The following ACACA variants were observed in gnomAD, a reference collection of about 807,000 sequenced individuals.
The protein encoded by ACACA is acetyl-CoA carboxylase alpha.
Under a neutral mutation model 296.1 loss-of-function variants are expected in ACACA, and 103 were observed. The ratio of observed to expected loss-of-function variants is 0.35; its 90% CI spans 0.30 to 0.41. The LOEUF (loss-of-function observed/expected upper bound fraction) is 0.41. ACACA is among the 10% of genes least tolerant of loss of function. The probability of loss-of-function intolerance (pLI) is 1.00; values close to 1 mark genes in which losing one functional copy is unlikely to be tolerated. For missense variants in ACACA, 1,554 were observed against 2,989.7 expected (o/e 0.52, Z 11.20); for synonymous variants, 953 against 1,038.6 (o/e 0.92, Z 1.58).
intron 3 of ACACA, among the ~76,000 whole-genome samples, chr17:37,302,234 C>T (rs1454342302): frequency 6.8e-6 from 1 of 147,980 alleles, no homozygotes; most frequent in Admixed American, 6.8e-5. Context: ...CAGGGTTTCG[C>T]TCTTGTGACC....
At chr17:37,103,750 CAA>C (rs1172189238) in intron 52 of ACACA, among the ~76,000 whole-genome samples, 3 of 143,242 alleles carry the variant, frequency 2.1e-5, no homozygotes, top group Non-Finnish European at 4.6e-5. Flanking sequence ...CACACACACA[CAA>C]AATGCCAAGT....
chr17:37,262,795 T>A (rs1387239065), intron 11 of ACACA, among the ~76,000 whole-genome samples: 1 of 152,126 alleles, frequency 6.6e-6, no homozygotes. Context: ...AGTAGCATGA[T>A]CAAGGCTCAC....
At chr17:37,363,371 C>T (rs1195067231) in intron 1 of ACACA, among the ~76,000 whole-genome samples, 1 of 151,356 alleles carries the variant, frequency 6.6e-6, no homozygotes, top group East Asian at 2.0e-4. Context: ...TTAGGAGAGA[C>T]GCGGCTTCAC....
chr17:37,263,607 G>T, intron 11 of ACACA, 78 bp downstream of exon 11: 2 of 1,234,920 alleles, frequency 1.6e-6, no homozygotes, highest in Non-Finnish European at 2.4e-6. Context: ...AAATGCCATT[G>T]TTCTCAGATT....
rs2080733758 is a variant in ACACA at position 37,246,886 on chromosome 17, G to A, written c.2400C>T (p.Ile800=). 1 of 1,613,934 alleles carries A rather than the reference G, an allele frequency of 6.2e-7. No homozygotes were observed. The highest frequency in any genetic ancestry group is 1.3e-5 in the African/African-American group (1 of 74,872). ...VMRSPSAGKL[I]QYIVEDGGHV... is the part of the protein sequence containing the mutation. The stretch of plus-strand genomic sequence containing the variant: ...GACCTCCATCTTCTACAATGTACTG[G>A]ATTAACTTCCCAGCAGAAGGTGAGC... Residue 800 remains isoleucine (I), a synonymous_variant, in exon 19 of 56, where the codon ATC becomes ATT. Coordinates refer to ENST00000616317, the MANE Select transcript of ACACA (RefSeq NM_198834.3).
chr17:37,358,400 A>G (rs2049239723), intron 1 of ACACA, among the ~76,000 whole-genome samples: 1 of 152,222 alleles, frequency 6.6e-6, no homozygotes, highest in African/African-American at 2.4e-5. Flanking sequence ...AGGCATGTAC[A>G]TTTACTATGT....
At chr17:37,261,970 T>C (rs1345425908) in intron 11 of ACACA, among the ~76,000 whole-genome samples, 2 of 152,028 alleles carry the variant, frequency 1.3e-5, no homozygotes, top group Non-Finnish European at 2.9e-5. Context: ...ACATATCTAA[T>C]GGAGAAGAAT....
At chr17:37,212,278 A>C (rs2078780215) in intron 29 of ACACA, among the ~76,000 whole-genome samples, 1 of 152,176 alleles carries the variant, frequency 6.6e-6, no homozygotes, top group African/African-American at 2.4e-5. Context: ...TCTTCACAGG[A>C]TGACGGCCAT....
intron 43 of ACACA, among the ~76,000 whole-genome samples, chr17:37,154,873 A>T (rs2076177522): frequency 6.6e-6 from 1 of 152,218 alleles, no homozygotes; most frequent in African/African-American, 2.4e-5. Context: ...TCAAAAATAC[A>T]AGTTAAAATA....
Position 37,398,215 on chromosome 17 carries a change from G to A in ACACA, c.38+8047C>T, listed in dbSNP as rs536068448. On this transcript the variant is annotated intron_variant, in intron 1 of 55. Transcript: ENST00000616317. Reference sequence around the variant, plus strand: ...ACTGCACTCCAGCCTGGGTGACAGAGCGAGACTCTGTCTCAAAAAAAAAAA... The same window carrying A: ...ACTGCACTCCAGCCTGGGTGACAGAACGAGACTCTGTCTCAAAAAAAAAAA... Among the ~76,000 whole-genome samples, 10 of 120,998 alleles carry A rather than the reference G, an allele frequency of 8.3e-5. No homozygotes were observed. In the East Asian group the frequency reaches 2.9e-3, roughly 35 times the overall value. 79.4% of individuals were successfully genotyped at this position (120,998 alleles called of 152,430 possible).
intron 1 of ACACA, chr17:37,368,588 T>A (rs976061714): frequency 2.6e-5 from 4 of 151,992 alleles, no homozygotes; most frequent in Non-Finnish European, 4.4e-5. Flanking sequence ...TCTAAAAAAA[T>A]AATAATAATA....
intron 28 of ACACA, chr17:37,222,106 C>A (rs766945343): frequency 6.2e-5 from 31 of 501,384 alleles, no homozygotes; most frequent in Non-Finnish European, 9.0e-5. Flanking sequence ...TCCACACTAA[C>A]CTAAACCCTG....
chr17:37,219,286 A>G (rs1390218886), intron 29 of ACACA, among the ~76,000 whole-genome samples: 1 of 152,200 alleles, frequency 6.6e-6, no homozygotes, highest in Admixed American at 6.5e-5. Flanking sequence ...TTCCACAGGG[A>G]ACAAACTGGG....
intron 1 of ACACA, among the ~76,000 whole-genome samples, chr17:37,390,330 A>ATATTATATATATATATATATATATC (rs1555672373): frequency 9.6e-5 from 4 of 41,580 alleles, no homozygotes; most frequent in African/African-American, 5.1e-4. Context: ...ATATATATAT[A>ATATTATATATATATATATATATATC]TATAAAAGGC....
At chr17:37,247,445 G>A (rs982270289) in intron 18 of ACACA, among the ~76,000 whole-genome samples, 5 of 150,562 alleles carry the variant, frequency 3.3e-5, no homozygotes, top group Non-Finnish European at 7.4e-5. Context: ...TCGGCTCACC[G>A]CAACCTCCAC....
intron 50 of ACACA, among the ~76,000 whole-genome samples, chr17:37,118,620 A>T (rs982084204): frequency 1.3e-5 from 2 of 152,176 alleles, no homozygotes; most frequent in Non-Finnish European, 2.9e-5. Context: ...GCTACATCAC[A>T]TCAGCCAACT....
At chr17:37,142,012 GTT>G (rs1044306210) in intron 45 of ACACA, among the ~76,000 whole-genome samples, 2 of 130,164 alleles carry the variant, frequency 1.5e-5, no homozygotes, top group Non-Finnish European at 3.3e-5. Flanking sequence ...GTTTTTTTTT[GTT>G]TTTTTTTTTT....
At position 37,221,773 on chromosome 17, in the gene ACACA, T is replaced by C. The variant is rs1259270981; in HGVS notation, c.3634A>G (p.Thr1212Ala). ...SVQHRQLKDNTCVVEFQFMLP... is the reference protein window; with the variant it reads ...SVQHRQLKDNACVVEFQFMLP... ...ATGAACTGGAATTCCACCACACAGG[T>C]GTTGTCCTTAAGCTGGCGGTGTTGT... Residue 1212 changes from threonine to alanine, a missense_variant, in exon 29 of 56, where the codon ACC becomes GCC. By Grantham distance (58) the Thr-to-Ala change is moderately conservative. Transcript: ENST00000616317. The C allele has an allele frequency of 6.2e-7, 1 of 1,614,194 alleles. No homozygotes were observed. The highest frequency in any genetic ancestry group is 8.5e-7 in the Non-Finnish European group (1 of 1,180,022).
intron 1 of ACACA, among the ~76,000 whole-genome samples, chr17:37,349,135 A>T (rs536940398): frequency 1.3e-5 from 2 of 150,662 alleles, no homozygotes; most frequent in Non-Finnish European, 3.0e-5. Context: ...ATCGCCGCTC[A>T]CTGCAACCTC....
Sources: allele counts gnomAD v4.1 joint callset (sites outside exome capture counted in the v4.1 genomes callset), GRCh38; gene constraint gnomAD v4.1.1; transcripts MANE v1.5; gene names NCBI Gene and HGNC (gene_info 2026-07-23, HGNC 2026-07-21).